RBMS3: variants seen among roughly 807,000 people sequenced by gnomAD.
The protein encoded by RBMS3 is RNA binding motif single stranded interacting protein 3, also known as RNA-binding motif, single-stranded-interacting protein 3.
In RBMS3, 27 loss-of-function variants were observed where a neutral mutation model predicts 66.8. That is an observed-to-expected ratio of 0.40 (90% confidence interval 0.30 to 0.56). The LOEUF is 0.56. Ranked by LOEUF, RBMS3 falls within the 20% of genes least tolerant of loss-of-function variation. RBMS3 has a pLI of 0.40. For synonymous variants in RBMS3, 188 were observed against 183.0 expected (o/e 1.03, Z -0.22); for missense variants, 513 against 549.5 (o/e 0.93, Z 0.66).
At chr3:29,427,412 A>G (rs954404105) in intron 1 of RBMS3, among the ~76,000 whole-genome samples, 2 of 152,228 alleles carry the variant, frequency 1.3e-5, no homozygotes, top group African/African-American at 4.8e-5. Context: ...TTATAGACAC[A>G]CTAGTGACTA....
intron 6 of RBMS3, among the ~76,000 whole-genome samples, chr3:29,784,363 G>T (rs1030965098): frequency 2.0e-5 from 3 of 152,082 alleles, no homozygotes; most frequent in Non-Finnish European, 1.5e-5. Flanking sequence ...AATAAAGTTG[G>T]AAATCAACTA....
rs775000406 is a variant in RBMS3 at position 29,614,385 on chromosome 3, TTATC to T, written c.399+27184_399+27187del. On this transcript the variant is annotated intron_variant, in intron 4 of 14. Coordinates refer to ENST00000383767, the MANE Select transcript of RBMS3 (RefSeq NM_001003793.3). ...TATTGACAAGAGAAATAAGTTCTAG[TTATC>T]TATTGTACAACATGATGATTATTGT... is the stretch of plus-strand genomic sequence containing the variant. 102 of 152,250 alleles carry T rather than the reference TTATC, an allele frequency of 6.7e-4. 1 individual carries two copies. The highest frequency in any genetic ancestry group is 1.2e-3 in the Non-Finnish European group (80 of 67,994). The allele number at this position is 152,250 out of a possible 1,614,324, so 9.4% of individuals were successfully genotyped here.
intron 7 of RBMS3, among the ~76,000 whole-genome samples, chr3:29,879,096 A>AT (rs576555423): frequency 7.0e-4 from 107 of 152,270 alleles, no homozygotes; most frequent in African/African-American, 2.5e-3. Context: ...AGGCAAAAAA[A>AT]AAAGTTATTG....
chr3:29,765,787 C>T (rs1367418985), intron 6 of RBMS3: 1 of 152,808 alleles, frequency 6.5e-6, no homozygotes, highest in Non-Finnish European at 1.5e-5. Context: ...ACATCCAAGA[C>T]TGGGCAATTT....
chr3:29,676,939 T>C (rs953142684), intron 4 of RBMS3, among the ~76,000 whole-genome samples: 1 of 152,166 alleles, frequency 6.6e-6, no homozygotes, highest in African/African-American at 2.4e-5. Flanking sequence ...AGAGGTTTAA[T>C]TGGCACATAG....
chr3:29,993,760 A>G (rs1352763088), intron 14 of RBMS3, among the ~76,000 whole-genome samples: 4 of 151,926 alleles, frequency 2.6e-5, no homozygotes, highest in Non-Finnish European at 5.9e-5. Context: ...ATTTACATCA[A>G]CTCTTTCAGT....
chr3:29,329,465 G>T (rs544819287), intron 1 of RBMS3, among the ~76,000 whole-genome samples: 10 of 151,994 alleles, frequency 6.6e-5, no homozygotes, highest in Non-Finnish European at 1.3e-4. Context: ...TACAATAAAA[G>T]CCACAGGAAG....
intron 2 of RBMS3, among the ~76,000 whole-genome samples, chr3:29,452,946 T>C (rs554052414): frequency 6.6e-6 from 1 of 152,348 alleles, no homozygotes; most frequent in South Asian, 2.1e-4. Flanking sequence ...TTACATAGCC[T>C]GAAAATGTTT....
At chr3:29,661,508 C>CTTAG in intron 4 of RBMS3, among the ~76,000 whole-genome samples, 1 of 152,086 alleles carries the variant, frequency 6.6e-6, no homozygotes, top group South Asian at 2.1e-4. Context: ...TCTTAGGATT[C>CTTAG]CTGCTAGATT....
intron 4 of RBMS3, among the ~76,000 whole-genome samples, chr3:29,685,587 G>A (rs1245116064): frequency 1.3e-5 from 2 of 151,882 alleles, no homozygotes; most frequent in Middle Eastern, 3.2e-3. Flanking sequence ...CTCAGGTGTG[G>A]ATAAGAGCAG....
intron 1 of RBMS3, among the ~76,000 whole-genome samples, chr3:29,305,986 C>G (rs187754228): frequency 6.6e-6 from 1 of 151,934 alleles, no homozygotes; most frequent in Non-Finnish European, 1.5e-5. Flanking sequence ...AGGGAGCATT[C>G]GTTACTTGTT....
At chr3:29,911,979 A>ATAGC (rs148949478) in intron 10 of RBMS3, among the ~76,000 whole-genome samples, 1 of 147,648 alleles carries the variant, frequency 6.8e-6, no homozygotes, top group South Asian at 2.1e-4. Context: ...CACATACATA[A>ATAGC]TAGCTAGATA....
intron 12 of RBMS3, among the ~76,000 whole-genome samples, chr3:29,986,275 C>T (rs1698385610): frequency 6.6e-6 from 1 of 151,974 alleles, no homozygotes; most frequent in African/African-American, 2.4e-5. Context: ...TTTTGAGATT[C>T]AATTAAAGAA....
At chr3:29,564,502 A>T (rs2046673787) in intron 3 of RBMS3, among the ~76,000 whole-genome samples, 1 of 151,784 alleles carries the variant, frequency 6.6e-6, no homozygotes, top group African/African-American at 2.4e-5. Context: ...AAAAAAAAAA[A>T]ATTTAGTTCT....
At chr3:29,994,701 C>A (rs1219007894) in intron 14 of RBMS3, among the ~76,000 whole-genome samples, 1 of 152,210 alleles carries the variant, frequency 6.6e-6, no homozygotes, top group Non-Finnish European at 1.5e-5. Flanking sequence ...AACAGACCTG[C>A]AGCTGAGGAT....
At chr3:29,828,568 G>T (rs1191737463) in intron 6 of RBMS3, among the ~76,000 whole-genome samples, 1 of 152,070 alleles carries the variant, frequency 6.6e-6, no homozygotes, top group Non-Finnish European at 1.5e-5. Context: ...TATCAACATT[G>T]TTCTCAACAT....
intron 2 of RBMS3, among the ~76,000 whole-genome samples, chr3:29,450,275 G>C (rs986526531): frequency 1.3e-5 from 2 of 152,136 alleles, no homozygotes; most frequent in African/African-American, 4.8e-5. Context: ...GGAATGAGTA[G>C]AGCTGAAAAG....
At chr3:29,550,942 G>C (rs910427523) in intron 3 of RBMS3, among the ~76,000 whole-genome samples, 2 of 152,154 alleles carry the variant, frequency 1.3e-5, no homozygotes, top group African/African-American at 4.8e-5. Context: ...GGGAATGTAG[G>C]GCAGATCATG....
At chr3:29,836,909 C>A (rs1465764521) in intron 6 of RBMS3, among the ~76,000 whole-genome samples, 1 of 151,866 alleles carries the variant, frequency 6.6e-6, no homozygotes. Context: ...AACTTAAGTA[C>A]AGGACAAAAA....
Sources: allele counts gnomAD v4.1 joint callset (sites outside exome capture counted in the v4.1 genomes callset), GRCh38; gene constraint gnomAD v4.1.1; transcripts MANE v1.5; gene names NCBI Gene and HGNC (gene_info 2026-07-23, HGNC 2026-07-21).